The following SH2D4A variants were observed in gnomAD, a reference collection of about 807,000 sequenced individuals.
The protein encoded by SH2D4A is SH2 domain containing 4A.
A neutral mutation model predicts 64.7 loss-of-function variants in SH2D4A; 70 were observed. That is an observed-to-expected ratio of 1.08 (90% CI 0.89 to 1.32). SH2D4A has a LOEUF of 1.32. Ranked by LOEUF, SH2D4A falls within the 40% of genes most tolerant of loss-of-function variation. The pLI is 0.00. For synonymous variants in SH2D4A, 268 were observed against 200.7 expected (o/e 1.34, Z -2.83); for missense variants, 706 against 540.1 (o/e 1.31, Z -3.04).
chr8:19,317,335 A>G (rs1484956625), intron 1 of SH2D4A, among the ~76,000 whole-genome samples: 1 of 133,864 alleles, frequency 7.5e-6, no homozygotes, highest in Non-Finnish European at 1.5e-5. Flanking sequence ...TTGGCTGTTC[A>G]AGCCTTTAAG....
At position 19,373,667 on chromosome 8, in the gene SH2D4A, G is replaced by A. The variant is rs1353488858; in HGVS notation, c.1048+7G>A. The A allele has an allele frequency of 5.6e-6, 9 of 1,612,468 alleles. No individual in the cohort carries two copies. Among genetic ancestry groups the A allele is most frequent in the Non-Finnish European group, 7.6e-6 (9 of 1,179,156 alleles). Reference sequence around the variant, plus strand: ...ATAGCCCCCTGGTTCCATGGTGAGTGCAGAGATTTCCTCAATGGTGTTTCG... The same window carrying A: ...ATAGCCCCCTGGTTCCATGGTGAGTACAGAGATTTCCTCAATGGTGTTTCG... On this transcript the variant is annotated splice_region_variant and intron_variant, in intron 8 of 9. Transcript: ENST00000265807.
intron 8 of SH2D4A, among the ~76,000 whole-genome samples, chr8:19,387,543 GCCATCACATGCTTTTTTATTTTTGTA>G (rs1430782511): frequency 2.0e-5 from 3 of 152,186 alleles, no homozygotes; most frequent in Non-Finnish European, 4.4e-5. Flanking sequence ...TCTGGCCATG[GCCATCACATGCTTTTTTATTTTTGTA>G]CCATCACATG....
chr8:19,327,508 C>T (rs2052300102), intron 2 of SH2D4A, among the ~76,000 whole-genome samples: 1 of 152,180 alleles, frequency 6.6e-6, no homozygotes, highest in African/African-American at 2.4e-5. Context: ...TTCAACTTCT[C>T]TTACCAGACT....
intron 1 of SH2D4A, among the ~76,000 whole-genome samples, chr8:19,317,886 G>C (rs1288112585): frequency 6.6e-6 from 1 of 151,926 alleles, no homozygotes; most frequent in Non-Finnish European, 1.5e-5. Flanking sequence ...ACAAATTATT[G>C]GTCAATTTCT....
intron 2 of SH2D4A, among the ~76,000 whole-genome samples, chr8:19,329,533 A>G (rs1306734108): frequency 2.0e-5 from 3 of 152,132 alleles, no homozygotes; most frequent in Non-Finnish European, 4.4e-5. Context: ...GAGGACAGGG[A>G]CTAGACCATC....
intron 4 of SH2D4A, among the ~76,000 whole-genome samples, chr8:19,352,612 G>A (rs745911195): frequency 1.3e-5 from 2 of 152,288 alleles, no homozygotes; most frequent in African/African-American, 4.8e-5. Flanking sequence ...GCTGTTATGC[G>A]TAAGAGCATA....
chr8:19,364,430 C>T, intron 7 of SH2D4A, 148 bp downstream of exon 7: 1 of 840,568 alleles, frequency 1.2e-6, no homozygotes, highest in East Asian at 2.7e-5. Context: ...ATGTCTAAGC[C>T]TTCTTCCTGG....
At chr8:19,381,473 G>A (rs958560106) in intron 8 of SH2D4A, among the ~76,000 whole-genome samples, 3 of 152,168 alleles carry the variant, frequency 2.0e-5, no homozygotes, top group African/African-American at 7.2e-5. Context: ...TGTTGTTAGT[G>A]TATAGAAATG....
chr8:19,336,770 G>A (rs2052452392), intron 4 of SH2D4A, among the ~76,000 whole-genome samples: 1 of 152,106 alleles, frequency 6.6e-6, no homozygotes, highest in South Asian at 2.1e-4. Flanking sequence ...AGGAGGCTGA[G>A]GCAGGAGGAT....
At chr8:19,375,551 T>C (rs1392659240) in intron 8 of SH2D4A, 33 of 152,280 alleles carry the variant, frequency 2.2e-4, no homozygotes, top group Admixed American at 2.1e-3. Flanking sequence ...GACAAAGTGA[T>C]TGAAGACTGG....
At chr8:19,356,697 C>A (rs1477862873) in intron 4 of SH2D4A, among the ~76,000 whole-genome samples, 4 of 152,122 alleles carry the variant, frequency 2.6e-5, no homozygotes, top group Admixed American at 1.3e-4. Context: ...TACTGGGTGA[C>A]AAGGGCAGGA....
chr8:19,319,569 G>A lies in SH2D4A; in HGVS notation c.22G>A (p.Glu8Lys). The A allele has an allele frequency of 6.4e-7, 1 of 1,571,536 alleles. No homozygotes were observed. The highest frequency in any genetic ancestry group is 8.6e-7 in the Non-Finnish European group (1 of 1,162,288). ...AAAGATGCTGAAACAGATACTGTCG[G>A]AGATGTACATAGATCCTGATCTACT... MLKQILSEMYIDPDLLAE... is the reference protein window; with the variant it reads MLKQILSKMYIDPDLLAE... Residue 8 changes from glutamate to lysine, a missense_variant, in exon 2 of 10, where the codon GAG (glutamate) becomes AAG (lysine). Coordinates refer to ENST00000265807, the MANE Select transcript of SH2D4A (RefSeq NM_022071.4).
chr8:19,373,574 A>T lies in SH2D4A; in HGVS notation c.962A>T (p.Asp321Val), dbSNP rs752701976. ...VRTLSSSAQE[D>V]IIRWFKEEQL... ...ACACTGTCCAGCTCTGCCCAAGAGG[A>T]CATCATCCGGTGGTTTAAAGAGGAG... is the stretch of plus-strand genomic sequence containing the variant. The change falls in exon 8 of 10, where the codon GAC becomes GTC. Residue 321 changes from aspartate to valine, a missense_variant. By Grantham distance (152) the Asp-to-Val change is radical. Transcript: ENST00000265807. 1.2e-6 allele frequency: 2 copies of T among 1,613,282 alleles called. No individual in the cohort carries two copies. The highest frequency in any genetic ancestry group is 4.5e-5 in the East Asian group (2 of 44,842).
At chr8:19,318,728 G>A (rs2052132315) in intron 1 of SH2D4A, among the ~76,000 whole-genome samples, 1 of 152,186 alleles carries the variant, frequency 6.6e-6, no homozygotes, top group Non-Finnish European at 1.5e-5. Context: ...GATTTTCATG[G>A]CTCTAGTAGG....
At chr8:19,314,391 C>T (rs555031193) in intron 1 of SH2D4A, among the ~76,000 whole-genome samples, 7 of 152,264 alleles carry the variant, frequency 4.6e-5, no homozygotes, top group African/African-American at 1.7e-4. Flanking sequence ...CAGGGGCGCC[C>T]CCACGTGGGG....
chr8:19,371,440 G>A (rs1405290145), intron 7 of SH2D4A, among the ~76,000 whole-genome samples: 1 of 151,898 alleles, frequency 6.6e-6, no homozygotes, highest in Non-Finnish European at 1.5e-5. Context: ...GCTGCTGGGT[G>A]TATTGGATCT....
At chr8:19,378,416 C>T (rs1339174122) in intron 8 of SH2D4A, among the ~76,000 whole-genome samples, 1 of 151,960 alleles carries the variant, frequency 6.6e-6, no homozygotes, top group East Asian at 1.9e-4. Flanking sequence ...TACAAATTAC[C>T]ACCTTCACAG....
chr8:19,385,235 A>G (rs149439968), intron 8 of SH2D4A, among the ~76,000 whole-genome samples: 2 of 148,696 alleles, frequency 1.3e-5, no homozygotes, highest in African/African-American at 5.0e-5. Flanking sequence ...TTTGAGACAG[A>G]GTCTTGCTCC....
chr8:19,380,846 G>C (rs1300379434), intron 8 of SH2D4A, among the ~76,000 whole-genome samples: 2 of 152,034 alleles, frequency 1.3e-5, no homozygotes, highest in African/African-American at 2.4e-5. Flanking sequence ...GGAGTGTTTT[G>C]ATTATTTGGG....
Sources: gnomAD v4.1 joint callset for allele counts (sites outside exome capture counted in the v4.1 genomes callset) on GRCh38, gnomAD v4.1.1 for gene constraint, MANE v1.5 for transcripts, NCBI Gene and HGNC (gene_info 2026-07-23, HGNC 2026-07-21) for gene names.